The following P3H1 variants were observed in gnomAD, a reference collection of about 807,000 sequenced individuals.
P3H1 encodes growth suppressor 1.
Under a neutral mutation model 84.0 loss-of-function variants are expected in P3H1, and 69 were observed. That is an observed-to-expected ratio of 0.82 (90% confidence interval 0.68 to 1.00). The LOEUF (loss-of-function observed/expected upper bound fraction) is 1.00, where lower values mean the gene tolerates loss of function less well. Among genes scored for constraint, P3H1 ranks in the 50% least tolerant of loss-of-function variants. P3H1 has a pLI of 0.00. For missense variants in P3H1, 878 were observed against 962.8 expected (o/e 0.91, Z 1.17); for synonymous variants, 366 against 388.8 (o/e 0.94, Z 0.69).
intron 9 of P3H1, 37 bp downstream of exon 9, chr1:42,752,500 C>T (rs535824899): frequency 5.6e-6 from 9 of 1,613,856 alleles, no homozygotes; most frequent in Non-Finnish European, 5.9e-6. Context: ...GGATGCTGGA[C>T]CCTTGGGGGA....
At chr1:42,758,810 T>C in intron 4 of P3H1, 42 bp downstream of exon 4, 18 of 1,612,628 alleles carry the variant, frequency 1.1e-5, no homozygotes, top group Non-Finnish European at 1.5e-5. Context: ...CTTTAGCTTC[T>C]TAGTTAGCCA....
chr1:42,747,873 C>A, intron 12 of P3H1, 75 bp from the exon 13 acceptor site: 6 of 1,395,038 alleles, frequency 4.3e-6, no homozygotes, highest in Non-Finnish European at 6.1e-6. Flanking sequence ...TCCAGGTGCT[C>A]TCAACCAGCA....
At chr1:42,759,147 G>T in intron 3 of P3H1, 54 bp downstream of exon 3, 1 of 1,591,816 alleles carries the variant, frequency 6.3e-7, no homozygotes, top group South Asian at 1.1e-5. Flanking sequence ...ATCAGATGGT[G>T]ACCTTAGAGT....
intron 12 of P3H1, 59 bp from the exon 13 acceptor site, chr1:42,747,857 T>C: frequency 1.3e-6 from 2 of 1,525,562 alleles, no homozygotes; most frequent in Non-Finnish European, 1.8e-6. Context: ...CCCCTGAGCC[T>C]TCACCTCCAG....
chr1:42,755,048 G>T (rs1049157011), intron 7 of P3H1, 58 bp from the exon 8 acceptor site: 2 of 1,613,852 alleles, frequency 1.2e-6, no homozygotes, highest in South Asian at 2.2e-5. Flanking sequence ...GCTCCACCCC[G>T]ACTTCCCAAA....
rs1043265003 is a variant in P3H1, at chr1:42,767,000, G to A, written c.-29C>T. On this transcript the variant is annotated 5_prime_UTR_variant, in exon 1 of 15. Transcript: ENST00000296388. Reference sequence around the variant, plus strand: ...TCCCTCAGACCTAACGGAACCGCCAGCCACCCGCCACCAAGGCCGGAGTCC... The same window carrying A: ...TCCCTCAGACCTAACGGAACCGCCAACCACCCGCCACCAAGGCCGGAGTCC... The A allele has an allele frequency of 1.9e-5, 30 of 1,598,506 alleles. No homozygotes were observed. Among genetic ancestry groups the A allele is most frequent in the Non-Finnish European group, 2.5e-5 (30 of 1,177,330 alleles).
intron 11 of P3H1, among the ~76,000 whole-genome samples, chr1:42,749,638 T>A (rs1651920928): frequency 6.6e-6 from 1 of 152,226 alleles, no homozygotes; most frequent in South Asian, 2.1e-4. Context: ...TTAGTTCCCC[T>A]GACTACCAGG....
At chr1:42,752,488 G>A (rs1191725468) in intron 9 of P3H1, 49 bp downstream of exon 9, 9 of 1,613,454 alleles carry the variant, frequency 5.6e-6, no homozygotes, top group South Asian at 2.2e-5. Flanking sequence ...CACTTGGTGG[G>A]GGGATGCTGG....
intron 8 of P3H1, among the ~76,000 whole-genome samples, chr1:42,753,826 G>A (rs900602370): frequency 6.6e-6 from 1 of 152,060 alleles, no homozygotes; most frequent in African/African-American, 2.4e-5. Flanking sequence ...GGGAGGCTGA[G>A]GCAGGAGAAT....
chr1:42,760,564 C>T (rs181765047), intron 2 of P3H1: 1 of 152,226 alleles, frequency 6.6e-6, no homozygotes, highest in Non-Finnish European at 1.5e-5. Flanking sequence ...CCAGGCTGGT[C>T]TTGAACTTCT....
rs930060433 is a variant in P3H1, at chr1:42,766,714, C to T, written c.258G>A (p.Glu86=). 1 of 1,553,290 alleles carries T rather than the reference C, an allele frequency of 6.4e-7. No individual in the cohort carries two copies. Among genetic ancestry groups the T allele is most frequent in the South Asian group, 1.2e-5 (1 of 84,224 alleles). The stretch of plus-strand genomic sequence containing the variant: ...GGCTGGGGGACCAGTCGGGGTCCAG[C>T]TCCCACGGGAAGTCGGCGGCACACT... ...RTQCAADFPW[E]LDPDWSPSPA... Residue 86 remains glutamate (E), a synonymous_variant, in exon 1 of 15, where the codon GAG becomes GAA. Coordinates refer to ENST00000296388, the MANE Select transcript of P3H1 (RefSeq NM_022356.4).
At chr1:42,748,161 G>T in intron 12 of P3H1, 39 bp downstream of exon 12, 1 of 1,471,930 alleles carries the variant, frequency 6.8e-7, no homozygotes. Flanking sequence ...CTCTGAGGAG[G>T]GCACAGACCT....
chr1:42,749,954 TG>T (rs1651938331), intron 11 of P3H1: 1 of 557,882 alleles, frequency 1.8e-6, no homozygotes, highest in Admixed American at 3.1e-5. Flanking sequence ...GCCCCCTTTC[TG>T]GCTGCACCCC....
At chr1:42,751,432 G>A (rs941494616) in intron 10 of P3H1, among the ~76,000 whole-genome samples, 11 of 125,858 alleles carry the variant, frequency 8.7e-5, no homozygotes, top group East Asian at 6.5e-4. Flanking sequence ...CAAACACTGC[G>A]GAAGGCCGCA....
intron 5 of P3H1, among the ~76,000 whole-genome samples, chr1:42,757,552 T>C (rs1333726987): frequency 1.3e-5 from 2 of 152,184 alleles, no homozygotes; most frequent in Non-Finnish European, 2.9e-5. Context: ...AGAATAGACT[T>C]CTGGGCCCAG....
intron 1 of P3H1, among the ~76,000 whole-genome samples, chr1:42,764,423 CAAAAAAAAAAAA>C (rs769981372): frequency 1.2e-5 from 1 of 84,930 alleles, no homozygotes; most frequent in Admixed American, 1.2e-4. Flanking sequence ...GACTCCATCT[CAAAAAAAAAAAA>C]AAAAAAAAAG....
Position 42,766,665 on chromosome 1 carries a change from C to A in P3H1, c.307G>T (p.Ala103Ser). ...CCGAAGAAGCTCAGGTCGCGCAGGG[C>A]GGCGGCGCCCGAGGCCTGGGCCGGG... ...PSPAQASGAA[A>S]LRDLSFFGGL... is the part of the protein sequence containing the mutation. Residue 103 changes from alanine to serine, a missense_variant, in exon 1 of 15, where the codon GCC becomes TCC. Coordinates refer to ENST00000296388, the MANE Select transcript of P3H1 (RefSeq NM_022356.4). 6.5e-7 allele frequency: 1 copy of A among 1,536,554 alleles called. No homozygotes were observed. The highest frequency in any genetic ancestry group is 8.8e-7 in the Non-Finnish European group (1 of 1,142,154).
chr1:42,760,339 T>A (rs1310565627), intron 2 of P3H1: 1 of 151,864 alleles, frequency 6.6e-6, no homozygotes, highest in African/African-American at 2.4e-5. Context: ...ACAACTTACT[T>A]TTTGTTTTGT....
Position 42,766,752 on chromosome 1 carries a change from G to A in P3H1, c.220C>T (p.Arg74Cys), listed in dbSNP as rs781569364. 1.9e-6 allele frequency: 3 copies of A among 1,585,384 alleles called. No homozygotes were observed. The highest frequency in any genetic ancestry group is 1.7e-6 in the Non-Finnish European group (2 of 1,167,916). ...TCGGCGGCACACTGGGTGCGGCAGC[G>A]CAGGCGAAGGGCGCGGAGGGCTGCC... ...SRAALRALRL[R>C]CRTQCAADFP... is the part of the protein sequence containing the mutation. Residue 74 changes from arginine to cysteine, a missense_variant, in exon 1 of 15, where the codon CGC becomes TGC. Coordinates refer to ENST00000296388, the MANE Select transcript of P3H1 (RefSeq NM_022356.4).
Sources: allele counts gnomAD v4.1 joint callset (sites outside exome capture counted in the v4.1 genomes callset), GRCh38; gene constraint gnomAD v4.1.1; transcripts MANE v1.5; gene names NCBI Gene and HGNC (gene_info 2026-07-23, HGNC 2026-07-21).